Variants in CAMK2B observed in about 807,000 individuals in gnomAD.
The protein encoded by CAMK2B is calcium/calmodulin-dependent protein kinase type II subunit beta.
Under a neutral mutation model 93.7 loss-of-function variants are expected in CAMK2B, and 27 were observed. The ratio of observed to expected loss-of-function variants is 0.29; its 90% CI spans 0.21 to 0.40. The LOEUF (loss-of-function observed/expected upper bound fraction) is 0.40, where lower values mean the gene tolerates loss of function less well. Among genes scored for constraint, CAMK2B ranks in the 10% least tolerant of loss-of-function variants. The pLI, the probability that CAMK2B is intolerant of heterozygous loss-of-function variation, is 1.00. For missense variants in CAMK2B, 568 were observed against 895.8 expected, an observed-to-expected ratio of 0.63 and a Z score of 4.67; for synonymous variants, 374 against 358.8, an observed-to-expected ratio of 1.04 and a Z score of -0.48.
At chr7:44,233,808 C>T (rs1277760974) in intron 15 of CAMK2B, among the ~76,000 whole-genome samples, 1 of 152,180 alleles carries the variant, frequency 6.6e-6, no homozygotes, top group African/African-American at 2.4e-5. Context: ...AGCCACAGAG[C>T]AGCACTGAGG....
intron 3 of CAMK2B, among the ~76,000 whole-genome samples, chr7:44,260,011 G>A (rs547043626): frequency 4.6e-5 from 7 of 152,100 alleles, no homozygotes; most frequent in Non-Finnish European, 7.4e-5. Context: ...TGGACTCAGC[G>A]GGCAGTCTGG....
chr7:44,265,938 C>T (rs1021741027), intron 2 of CAMK2B, among the ~76,000 whole-genome samples: 1 of 152,050 alleles, frequency 6.6e-6, no homozygotes, highest in Non-Finnish European at 1.5e-5. Flanking sequence ...CACGTCGTAT[C>T]GAGTGCTTCA....
chr7:44,311,113 G>A lies in CAMK2B; in HGVS notation c.65+14244C>T. Among the ~76,000 whole-genome samples the A allele has an allele frequency of 6.6e-6, 1 of 151,802 alleles. No homozygotes were observed. Among genetic ancestry groups the A allele is most frequent in the East Asian group, 1.9e-4 (1 of 5,190 alleles). On this transcript the variant is annotated intron_variant, in intron 1 of 23. Transcript: ENST00000395749. The surrounding 1 kb of genome is among the most constrained non-coding windows in gnomAD (Gnocchi z 4.2). ...TTTTTTGAGACAGTCTCATTCTATT[G>A]CCCAGGCTGGAGTGCAATGGCGTGA...
Position 44,220,911 on chromosome 7 carries a change from G to C in CAMK2B, c.1598-10C>G. On this transcript the variant is annotated splice_polypyrimidine_tract_variant and intron_variant, in intron 20 of 23. Coordinates refer to ENST00000395749, the MANE Select transcript of CAMK2B (RefSeq NM_001220.5). ...ATCTCCTGCTTCCGGGCTGTGGGGA[G>C]ACATGGCCAGGTGACCACTGGGCGC... 1 of 1,558,242 alleles carries C rather than the reference G, an allele frequency of 6.4e-7. No homozygotes were observed. The highest frequency in any genetic ancestry group is 8.7e-7 in the Non-Finnish European group (1 of 1,150,276).
intron 4 of CAMK2B, among the ~76,000 whole-genome samples, chr7:44,256,367 GTGTC>G (rs1415500020): frequency 6.6e-6 from 1 of 152,128 alleles, no homozygotes; most frequent in African/African-American, 2.4e-5. Flanking sequence ...GTGTGTCTGT[GTGTC>G]TGTACCTATG....
chr7:44,271,075 C>T lies in CAMK2B; in HGVS notation c.161-8011G>A, dbSNP rs778296034. Among the ~76,000 whole-genome samples, 1 of 152,066 alleles carries T rather than the reference C, an allele frequency of 6.6e-6. No homozygotes were observed. The highest frequency in any genetic ancestry group is 1.5e-5 in the Non-Finnish European group (1 of 68,004). On this transcript the variant is annotated intron_variant, in intron 2 of 23. Coordinates refer to ENST00000395749, the MANE Select transcript of CAMK2B (RefSeq NM_001220.5). The surrounding 1 kb of genome is among the most constrained non-coding windows in gnomAD (Gnocchi z 4.2). Reference sequence around the variant, plus strand: ...CTGGGATTACAGGTATGCGCCATCACACCTGGCTAATTTTTGTATTTTTAG... The same window carrying T: ...CTGGGATTACAGGTATGCGCCATCATACCTGGCTAATTTTTGTATTTTTAG...
At chr7:44,253,536 A>C (rs576171260) in intron 5 of CAMK2B, among the ~76,000 whole-genome samples, 1 of 152,278 alleles carries the variant, frequency 6.6e-6, no homozygotes, top group Admixed American at 6.5e-5. Context: ...TAAATAGACA[A>C]AGATACAAAT....
At chr7:44,253,332 G>A (rs1258815354) in intron 5 of CAMK2B, among the ~76,000 whole-genome samples, 1 of 151,392 alleles carries the variant, frequency 6.6e-6, no homozygotes, top group African/African-American at 2.4e-5. Flanking sequence ...TCCTGCCTCA[G>A]CCTCCCGAGT....
rs147143275 is a variant in CAMK2B, at chr7:44,262,602, C to T, written c.220+403G>A. ...CCCCTGTGTGTTCTCAGCAGAATGG[C>T]GGCTCAGAGTTATGGGGGTCACATG... On this transcript the variant is annotated intron_variant, in intron 3 of 23. Coordinates refer to ENST00000395749, the MANE Select transcript of CAMK2B (RefSeq NM_001220.5). Among the ~76,000 whole-genome samples the T allele has an allele frequency of 3.1e-3, 471 of 152,328 alleles. 3 individuals are homozygous for T. The highest frequency in any genetic ancestry group is 0.014 in the East Asian group (74 of 5,176).
intron 1 of CAMK2B, chr7:44,325,019 T>C (rs1294319650): frequency 6.6e-6 from 1 of 150,690 alleles, no homozygotes; most frequent in African/African-American, 2.4e-5. Context: ...GCGCCCCTCC[T>C]CTCTGACCTC....
intron 9 of CAMK2B, 49 bp from the exon 10 acceptor site, chr7:44,242,389 C>A: frequency 2.5e-6 from 4 of 1,594,290 alleles, no homozygotes; most frequent in African/African-American, 1.3e-5. Context: ...CCCTCTCAGG[C>A]AGGGGCAAGA....
chr7:44,268,711 G>A (rs972958738), intron 2 of CAMK2B: 2 of 152,262 alleles, frequency 1.3e-5, no homozygotes, highest in African/African-American at 4.8e-5. Context: ...AGGGGAGTGG[G>A]GGCTCCTCCA....
rs546229576 is a variant in CAMK2B at position 44,293,777 on chromosome 7, C to G, written c.66-9552G>C. On this transcript the variant is annotated intron_variant, in intron 1 of 23. Transcript: ENST00000395749. ...CTGTAATGCTGGCTTGCCCATGGCT[C>G]GTCTCCTGCTGTGTAGCCCAGTTCC... 4.6e-5 allele frequency among the ~76,000 whole-genome samples: 7 copies of G among 152,300 alleles called. No homozygotes were observed. In the East Asian group the frequency reaches 7.7e-4, roughly 17 times the overall value.
intron 12 of CAMK2B, 34 bp from the exon 13 acceptor site, chr7:44,239,697 A>G: frequency 6.8e-6 from 4 of 586,124 alleles, no homozygotes; most frequent in African/African-American, 2.1e-5. Context: ...AGGGGAAGGG[A>G]GGGGTGGGCG....
chr7:44,267,033 C>T (rs1167867262), intron 2 of CAMK2B: 2 of 152,232 alleles, frequency 1.3e-5, no homozygotes, highest in Non-Finnish European at 2.9e-5. Context: ...AACTGCAGTT[C>T]CCTGTGATGC....
Position 44,311,345 on chromosome 7 carries a change from G to A in CAMK2B, c.65+14012C>T, listed in dbSNP as rs988684652. On this transcript the variant is annotated intron_variant, in intron 1 of 23. Transcript: ENST00000395749. This position sits in a 1 kb window ranked among gnomAD's most constrained non-coding sequence, Gnocchi z 4.2. Reference sequence around the variant, plus strand: ...CCCATCTCGGCCTCCCAAAGTGCTGGGATTACAGGCGTGAGCCACCGCACT... The same window carrying A: ...CCCATCTCGGCCTCCCAAAGTGCTGAGATTACAGGCGTGAGCCACCGCACT... Among the ~76,000 whole-genome samples, 3 of 152,148 alleles carry A rather than the reference G, an allele frequency of 2.0e-5. No individual in the cohort carries two copies. The highest frequency in any genetic ancestry group is 4.4e-5 in the Non-Finnish European group (3 of 68,034).
intron 5 of CAMK2B, among the ~76,000 whole-genome samples, chr7:44,252,354 A>G (rs550987250): frequency 6.6e-6 from 1 of 151,414 alleles, no homozygotes; most frequent in South Asian, 2.1e-4. Flanking sequence ...AGACTCCTAA[A>G]CCACACAGGG....
intron 2 of CAMK2B, among the ~76,000 whole-genome samples, chr7:44,274,906 T>G (rs555099501): frequency 3.9e-5 from 6 of 152,296 alleles, no homozygotes; most frequent in African/African-American, 1.4e-4. Flanking sequence ...ATGTGGGAAC[T>G]GTCAGTGCTA....
Position 44,224,955 on chromosome 7 carries a change from C to T in CAMK2B, c.1597+1561G>A, listed in dbSNP as rs963376137. ...CCGGAACATCTCACCCACCCCTTTC[C>T]CAGCCCTGCCCAGCCCCTCCCAGGA... On this transcript the variant is annotated intron_variant, in intron 20 of 23. Coordinates refer to ENST00000395749, the MANE Select transcript of CAMK2B (RefSeq NM_001220.5). This position sits in a 1 kb window ranked among gnomAD's most constrained non-coding sequence, Gnocchi z 4.4. Among the ~76,000 whole-genome samples the T allele has an allele frequency of 6.6e-6, 1 of 152,032 alleles. No homozygotes were observed. The highest frequency in any genetic ancestry group is 2.4e-5 in the African/African-American group (1 of 41,396).
Sources: gnomAD v4.1 joint callset for allele counts (sites outside exome capture counted in the v4.1 genomes callset) on GRCh38, gnomAD v4.1.1 for gene constraint, Gnocchi (gnomAD v3.1) non-coding constraint, MANE v1.5 for transcripts, NCBI Gene and HGNC (gene_info 2026-07-23, HGNC 2026-07-21) for gene names.